DOCK3: variants seen among roughly 807,000 people sequenced by gnomAD.
The protein encoded by DOCK3 is dedicator of cytokinesis 3, also known as dedicator of cytokinesis protein 3.
Under a neutral mutation model 265.6 loss-of-function variants are expected in DOCK3, and 60 were observed. That is an observed-to-expected ratio of 0.23 (90% CI 0.18 to 0.28). The LOEUF is 0.28. Among genes scored for constraint, DOCK3 ranks in the 10% least tolerant of loss-of-function variants. The probability of loss-of-function intolerance (pLI) is 1.00; values close to 1 mark genes in which losing one functional copy is unlikely to be tolerated. For missense variants in DOCK3, 1,981 were observed against 2,594.3 expected (o/e 0.76, Z 5.14); for synonymous variants, 881 against 938.0 (o/e 0.94, Z 1.11).
chr3:50,846,324 TAGAA>T (rs751069919), intron 3 of DOCK3, among the ~76,000 whole-genome samples: 82 of 152,152 alleles, frequency 5.4e-4, no homozygotes, highest in African/African-American at 7.2e-4. Flanking sequence ...AGTGAAAAAA[TAGAA>T]AGAAAAACCA....
At chr3:51,119,992 G>C (rs1446416757) in intron 9 of DOCK3, among the ~76,000 whole-genome samples, 1 of 151,998 alleles carries the variant, frequency 6.6e-6, no homozygotes, top group African/African-American at 2.4e-5. Flanking sequence ...TCTCTGTCCA[G>C]TTTTGTTGCC....
chr3:51,328,605 A>T (rs1309737311), intron 32 of DOCK3, among the ~76,000 whole-genome samples: 6 of 122,628 alleles, frequency 4.9e-5, no homozygotes, highest in East Asian at 4.2e-4. Context: ...GACCACTATT[A>T]AAAAAAAAAA....
intron 5 of DOCK3, among the ~76,000 whole-genome samples, chr3:51,055,797 A>G (rs55694933): frequency 0.025 from 3,801 of 152,214 alleles, 183 homozygotes; most frequent in African/African-American, 0.087. Context: ...TTCCTTTCTT[A>G]TGAAGATCTG....
intron 1 of DOCK3, among the ~76,000 whole-genome samples, chr3:50,748,132 G>A (rs2039569575): frequency 6.6e-6 from 1 of 152,144 alleles, no homozygotes; most frequent in Admixed American, 6.5e-5. Flanking sequence ...ACAGCCGTCA[G>A]TACAGTTTGG....
intron 32 of DOCK3, among the ~76,000 whole-genome samples, chr3:51,326,636 T>C (rs1041139860): frequency 1.4e-4 from 19 of 137,360 alleles, no homozygotes; most frequent in African/African-American, 4.9e-4. Flanking sequence ...TTGTTGTTGT[T>C]TTGAGATGGA....
intron 27 of DOCK3, 51 bp downstream of exon 27, chr3:51,280,255 T>C (rs2081041625): frequency 1.3e-6 from 2 of 1,542,338 alleles, no homozygotes; most frequent in Non-Finnish European, 1.8e-6. Flanking sequence ...CAGCCAGCAC[T>C]CCCCAGGGGC....
At chr3:50,889,415 T>A (rs2048530649) in intron 3 of DOCK3, among the ~76,000 whole-genome samples, 1 of 151,606 alleles carries the variant, frequency 6.6e-6, no homozygotes, top group South Asian at 2.1e-4. Context: ...GAGCATTTTA[T>A]ACATCAGGAG....
At chr3:50,782,289 A>ATTTTTTTTTTTTTTTTTTTTTT (rs71084112) in intron 2 of DOCK3, among the ~76,000 whole-genome samples, 3 of 110,042 alleles carry the variant, frequency 2.7e-5, no homozygotes, top group Admixed American at 1.3e-4. Flanking sequence ...AGTACCTGTT[A>ATTTTTTTTTTTTTTTTTTTTTT]TTTTTTTTTT....
intron 21 of DOCK3, among the ~76,000 whole-genome samples, chr3:51,242,390 A>G (rs1024231606): frequency 1.9e-4 from 29 of 152,172 alleles, no homozygotes; most frequent in African/African-American, 6.3e-4. Context: ...AGCTGGATCT[A>G]TCCCTGTTCA....
At chr3:50,966,502 C>CT (rs531569343) in intron 5 of DOCK3, among the ~76,000 whole-genome samples, 8,891 of 114,744 alleles carry the variant, frequency 0.077, 774 homozygotes, top group African/African-American at 0.21. Flanking sequence ...TTTTTTCTTC[C>CT]TTTTTTTTTT....
At position 51,338,507 on chromosome 3, in the gene DOCK3, T is replaced by C; in HGVS notation, c.3672+88T>C. 6 of 1,444,130 alleles carry C rather than the reference T, an allele frequency of 4.2e-6. No homozygotes were observed. In the South Asian group the frequency reaches 7.4e-5, roughly 18 times the overall value. The allele number at this position is 1,444,130 out of a possible 1,614,324, so 89.5% of individuals were successfully genotyped here. A position where few individuals can be genotyped will look rare whatever the true frequency, so the allele number is the denominator to read the frequency against. On this transcript the variant is annotated intron_variant, in intron 36 of 52. Coordinates refer to ENST00000266037, the MANE Select transcript of DOCK3 (RefSeq NM_004947.5). Reference sequence around the variant, plus strand: ...ATTGGCTTGGCCCTTCTACAATACATGGCTGCAGGCCTAAGGGTTTGAATC... The same window carrying C: ...ATTGGCTTGGCCCTTCTACAATACACGGCTGCAGGCCTAAGGGTTTGAATC...
chr3:50,804,613 C>T (rs1364548927), intron 2 of DOCK3, among the ~76,000 whole-genome samples: 2 of 152,166 alleles, frequency 1.3e-5, no homozygotes, highest in Non-Finnish European at 2.9e-5. Context: ...GCGGCTGGCG[C>T]CTGCAATCCC....
intron 9 of DOCK3, among the ~76,000 whole-genome samples, chr3:51,114,052 T>C (rs2109868592): frequency 6.6e-6 from 1 of 151,872 alleles, no homozygotes; most frequent in South Asian, 2.1e-4. Context: ...GAGGTTGCAG[T>C]GAGCCATGAT....
chr3:51,325,442 G>A (rs1269335573), intron 32 of DOCK3, among the ~76,000 whole-genome samples: 2 of 152,156 alleles, frequency 1.3e-5, no homozygotes, highest in African/African-American at 4.8e-5. Flanking sequence ...GGAGAAATAG[G>A]AACATTTTTA....
At chr3:50,960,008 A>C (rs963657792) in intron 5 of DOCK3, among the ~76,000 whole-genome samples, 3 of 152,218 alleles carry the variant, frequency 2.0e-5, no homozygotes, top group African/African-American at 7.2e-5. Context: ...TTTACTTAGC[A>C]TAATGTTTTT....
At chr3:51,145,242 A>G (rs1463387395) in intron 9 of DOCK3, among the ~76,000 whole-genome samples, 1 of 148,556 alleles carries the variant, frequency 6.7e-6, no homozygotes, top group Non-Finnish European at 1.5e-5. Context: ...TATTATTATT[A>G]TTATACTTTA....
chr3:51,185,516 A>G (rs2087545650), intron 12 of DOCK3, among the ~76,000 whole-genome samples: 3 of 152,192 alleles, frequency 2.0e-5, no homozygotes, highest in South Asian at 4.1e-4. Flanking sequence ...CAGAGTTTCC[A>G]TTGTATATTT....
At chr3:50,810,635 A>G (rs12494776) in intron 2 of DOCK3, among the ~76,000 whole-genome samples, 13,508 of 152,226 alleles carry the variant, frequency 0.089, 1,232 homozygotes, top group East Asian at 0.33. Flanking sequence ...AAAAAGTAAA[A>G]CAACTTTGTA....
In DOCK3 at chr3:51,382,046, A is replaced by T. The variant is rs1354447845; in HGVS notation, c.*487A>T. The T allele has an allele frequency of 6.5e-6, 1 of 153,486 alleles. No individual in the cohort carries two copies. Among genetic ancestry groups the T allele is most frequent in the African/African-American group, 2.4e-5 (1 of 41,486 alleles). The allele number at this position is 153,486 out of a possible 1,614,324, so 9.5% of individuals were successfully genotyped here. A position where few individuals can be genotyped will look rare whatever the true frequency, so the allele number is the denominator to read the frequency against. ...CAGGGATTGCAAGGACCATATAGAC[A>T]TGTCACAGGTGGAAAAAGGGCCACA... is the stretch of plus-strand genomic sequence containing the variant. On this transcript the variant is annotated 3_prime_UTR_variant, in exon 53 of 53. Coordinates refer to ENST00000266037, the MANE Select transcript of DOCK3 (RefSeq NM_004947.5).
Sources: gnomAD v4.1 joint callset for allele counts (sites outside exome capture counted in the v4.1 genomes callset) on GRCh38, gnomAD v4.1.1 for gene constraint, MANE v1.5 for transcripts, NCBI Gene and HGNC (gene_info 2026-07-23, HGNC 2026-07-21) for gene names.